ABHD2: variants seen among roughly 807,000 people sequenced by gnomAD.
ABHD2 encodes monoacylglycerol lipase ABHD2.
Under a neutral mutation model 48.1 loss-of-function variants are expected in ABHD2, and 20 were observed. That is an observed-to-expected ratio of 0.42 (90% CI 0.29 to 0.60). The LOEUF is 0.60. Among genes scored for constraint, ABHD2 ranks in the 20% least tolerant of loss-of-function variants. The pLI is 0.24. For synonymous variants in ABHD2, 209 were observed against 214.2 expected, an observed-to-expected ratio of 0.98 and a Z score of 0.21; for missense variants, 405 against 550.9, an observed-to-expected ratio of 0.74 and a Z score of 2.65.
chr15:89,099,124 C>T (rs879886261), intron 1 of ABHD2, among the ~76,000 whole-genome samples: 1 of 152,162 alleles, frequency 6.6e-6, no homozygotes, highest in East Asian at 1.9e-4. Flanking sequence ...GAGGTAATGT[C>T]GGAGGATGCA....
the ABHD2 span, among the ~76,000 whole-genome samples, chr15:89,044,085 G>A: frequency 2.2e-3 from 332 of 152,150 alleles, 1 homozygote; most frequent in African/African-American, 7.3e-3. Context: ...CCCAGAGTGT[G>A]ATGTTCCCCT....
rs148684728 is a variant in ABHD2, at chr15:89,139,555, A to G, written c.195-12122A>G. Among the ~76,000 whole-genome samples the G allele has an allele frequency of 4.3e-3, 653 of 152,304 alleles. 4 individuals carry two copies. The highest frequency in any genetic ancestry group is 0.015 in the African/African-American group (627 of 41,554). ...TTGTTGAATTTTATTAAATCAATAT[A>G]TAAGAGCCAAAATAAAATATAGGTA... On this transcript the variant is annotated intron_variant, in intron 3 of 10. Coordinates refer to ENST00000352732, the MANE Select transcript of ABHD2 (RefSeq NM_152924.5).
chr15:89,185,552 A>AG lies in ABHD2; in HGVS notation c.815+37dup. ...TTCCGTTCTCTCTCAGGAGACAGAC[A>AG]GTTCCTTCCTGAGCTCATCTGGGAA... On this transcript the variant is annotated intron_variant, in intron 7 of 10. Transcript: ENST00000352732. This position sits in a 1 kb window ranked among gnomAD's most constrained non-coding sequence, Gnocchi z 5.9. The AG allele has an allele frequency of 6.3e-7, 1 of 1,576,684 alleles. No homozygotes were observed. Among genetic ancestry groups the AG allele is most frequent in the Non-Finnish European group, 8.7e-7 (1 of 1,146,086 alleles).
chr15:89,085,841 T>C, upstream of ABHD2, among the ~76,000 whole-genome samples: 1 of 152,160 alleles, frequency 6.6e-6, no homozygotes, highest in African/African-American at 2.4e-5. This position sits in a 1 kb window ranked among gnomAD's most constrained non-coding sequence, Gnocchi z 4.2. Flanking sequence ...ACAAGACATC[T>C]CACTTTCCCT....
At chr15:89,041,083 G>T in the ABHD2 span, 1 of 152,216 alleles carries the variant, frequency 6.6e-6, no homozygotes, top group Non-Finnish European at 1.5e-5. Context: ...GCTCCCACTT[G>T]GAACCCAACT....
At chr15:89,150,967 T>C (rs970222073) in intron 3 of ABHD2, among the ~76,000 whole-genome samples, 1 of 152,242 alleles carries the variant, frequency 6.6e-6, no homozygotes, top group African/African-American at 2.4e-5. Flanking sequence ...TATTTGTGAT[T>C]TTTGCATTTC....
rs1456080341 is a variant in ABHD2, at chr15:89,168,819, C to T, written c.539-6993C>T. Among the ~76,000 whole-genome samples the T allele has an allele frequency of 6.6e-6, 1 of 152,154 alleles. No homozygotes were observed. Among genetic ancestry groups the T allele is most frequent in the Non-Finnish European group, 1.5e-5 (1 of 68,040 alleles). ...GGGTGCAGTGGCTCACACCTGTAAT[C>T]TCAGCACTTTGGGAAAGGAAGCCAA... On this transcript the variant is annotated intron_variant, in intron 5 of 10. Transcript: ENST00000352732. The surrounding 1 kb of genome is among the most constrained non-coding windows in gnomAD (Gnocchi z 4.8).
Position 89,106,571 on chromosome 15 carries a change from A to G in ABHD2, c.-106-7154A>G, listed in dbSNP as rs977416138. Among the ~76,000 whole-genome samples the G allele has an allele frequency of 1.3e-5, 2 of 152,070 alleles. No individual in the cohort carries two copies. The highest frequency in any genetic ancestry group is 4.8e-5 in the African/African-American group (2 of 41,424). On this transcript the variant is annotated intron_variant, in intron 1 of 10. Coordinates refer to ENST00000352732, the MANE Select transcript of ABHD2 (RefSeq NM_152924.5). The surrounding 1 kb of genome is among the most constrained non-coding windows in gnomAD (Gnocchi z 4.2). ...AAGACTCAGAGGACACAAAGGCACAACTCAGACGGGGATGGCTAGGCCTTC... is the reference window on the plus strand; with the variant it reads ...AAGACTCAGAGGACACAAAGGCACAGCTCAGACGGGGATGGCTAGGCCTTC...
At position 89,092,297 on chromosome 15, in the gene ABHD2, T is replaced by C. The variant is rs890453723; in HGVS notation, c.-107+3734T>C. On this transcript the variant is annotated intron_variant, in intron 1 of 10. Transcript: ENST00000352732. The surrounding 1 kb of genome is among the most constrained non-coding windows in gnomAD (Gnocchi z 4.4). Reference sequence around the variant, plus strand: ...GCTTTTTAGAGAAGTGGAACGTTGGTACCCTTGGATTTGCCTGGTTTCTGA... The same window carrying C: ...GCTTTTTAGAGAAGTGGAACGTTGGCACCCTTGGATTTGCCTGGTTTCTGA... Among the ~76,000 whole-genome samples, 2 of 152,184 alleles carry C rather than the reference T, an allele frequency of 1.3e-5. No individual in the cohort carries two copies. Among genetic ancestry groups the C allele is most frequent in the African/African-American group, 4.8e-5 (2 of 41,446 alleles).
intron 3 of ABHD2, among the ~76,000 whole-genome samples, chr15:89,134,859 G>A (rs904109539): frequency 6.6e-5 from 10 of 151,994 alleles, no homozygotes; most frequent in African/African-American, 2.4e-4. Flanking sequence ...TTTTGAGTAT[G>A]GCTTATTAGT....
chr15:89,125,812 A>G (rs563579286), intron 3 of ABHD2, among the ~76,000 whole-genome samples: 1 of 152,330 alleles, frequency 6.6e-6, no homozygotes, highest in African/African-American at 2.4e-5. Flanking sequence ...GGTCTCCTAT[A>G]TTGAATCAAG....
Position 89,167,420 on chromosome 15 carries a change from G to A in ABHD2, c.539-8392G>A, listed in dbSNP as rs772809118. ...AGTGAGTTTGCAGAACTCAGACATC[G>A]TAGTAAAACACCTGGCAAGATCGTC... is the stretch of plus-strand genomic sequence containing the variant. On this transcript the variant is annotated intron_variant, in intron 5 of 10. Coordinates refer to ENST00000352732, the MANE Select transcript of ABHD2 (RefSeq NM_152924.5). The surrounding 1 kb of genome is among the most constrained non-coding windows in gnomAD (Gnocchi z 5.5). 9.2e-5 allele frequency among the ~76,000 whole-genome samples: 14 copies of A among 152,294 alleles called. No individual in the cohort carries two copies. The highest frequency in any genetic ancestry group is 2.4e-4 in the African/African-American group (10 of 41,564).
intron 6 of ABHD2, among the ~76,000 whole-genome samples, chr15:89,181,158 G>A (rs1480690899): frequency 2.8e-5 from 4 of 145,142 alleles, no homozygotes; most frequent in South Asian, 2.2e-4. Flanking sequence ...CCCAGAAGGC[G>A]GAGGTTGCAG....
At position 89,200,729 on chromosome 15, in the gene ABHD2, GA is replaced by G. The variant is rs375688536; in HGVS notation, c.*5316del. 178 of 219,618 alleles carry G rather than the reference GA, an allele frequency of 8.1e-4. No homozygotes were observed. Among genetic ancestry groups the G allele is most frequent in the South Asian group, 2.3e-3 (27 of 11,930 alleles). The allele number at this position is 219,618 out of a possible 1,614,324, so 13.6% of individuals were successfully genotyped here. ...AGGTAAACAAATCTTCTGGTCAAGA[GA>G]AAAAAAAAAGAAATAGCACTCTGCA... On this transcript the variant is annotated 3_prime_UTR_variant, in exon 11 of 11. Transcript: ENST00000352732.
At chr15:89,131,570 G>A (rs1434628432) in intron 3 of ABHD2, among the ~76,000 whole-genome samples, 2 of 152,144 alleles carry the variant, frequency 1.3e-5, no homozygotes, top group Non-Finnish European at 2.9e-5. Context: ...TGACTATTGA[G>A]AGACTAACAG....
chr15:89,181,889 G>T (rs1435076117), intron 6 of ABHD2, among the ~76,000 whole-genome samples: 1 of 152,156 alleles, frequency 6.6e-6, no homozygotes, highest in Non-Finnish European at 1.5e-5. Context: ...CCTGTTTGTT[G>T]GGACCCTCTT....
the ABHD2 span, among the ~76,000 whole-genome samples, chr15:89,052,666 C>A: frequency 6.6e-6 from 1 of 151,968 alleles, no homozygotes; most frequent in Non-Finnish European, 1.5e-5. Context: ...GAAAGATTGC[C>A]TGCAAACCAC....
intron 9 of ABHD2, 86 bp downstream of exon 9, chr15:89,191,235 G>A (rs2239287): frequency 0.39 from 541,234 of 1,382,086 alleles, 110,670 homozygotes; most frequent in East Asian, 0.68. Flanking sequence ...GAATTTTCCT[G>A]GTGGAAGCTC....
upstream of ABHD2, among the ~76,000 whole-genome samples, chr15:89,083,005 C>T (rs191890972): frequency 1.3e-3 from 193 of 152,310 alleles, 1 homozygote; most frequent in Admixed American, 3.0e-3. The surrounding 1 kb of genome is among the most constrained non-coding windows in gnomAD (Gnocchi z 5.1). Flanking sequence ...CAGGCGCCTG[C>T]CACCACGCTG....
Sources: gnomAD v4.1 joint callset for allele counts (sites outside exome capture counted in the v4.1 genomes callset) on GRCh38, gnomAD v4.1.1 for gene constraint, Gnocchi (gnomAD v3.1) non-coding constraint, MANE v1.5 for transcripts, NCBI Gene and HGNC (gene_info 2026-07-23, HGNC 2026-07-21) for gene names.